PSMG2: variants seen among roughly 807,000 people sequenced by gnomAD.
The protein encoded by PSMG2 is proteasome assembly chaperone 2.
Under a neutral mutation model 31.5 loss-of-function variants are expected in PSMG2, and 21 were observed. The ratio of observed to expected loss-of-function variants is 0.67; its 90% confidence interval spans 0.47 to 0.96. The LOEUF (loss-of-function observed/expected upper bound fraction) is 0.96. Ranked by LOEUF, PSMG2 falls within the 40% of genes least tolerant of loss-of-function variation. PSMG2 has a pLI of 0.00. For synonymous variants in PSMG2, 120 were observed against 110.4 expected (o/e 1.09, Z -0.54); for missense variants, 318 against 321.2 (o/e 0.99, Z 0.08).
chr18:12,725,158 C>T (rs964990660), intron 6 of PSMG2, among the ~76,000 whole-genome samples: 2 of 152,122 alleles, frequency 1.3e-5, no homozygotes, highest in African/African-American at 2.4e-5. Flanking sequence ...ATACAAATCA[C>T]ATAATGCTGA....
At chr18:12,719,509 T>A (rs1478600932) in intron 4 of PSMG2, among the ~76,000 whole-genome samples, 4 of 151,802 alleles carry the variant, frequency 2.6e-5, no homozygotes, top group Admixed American at 6.6e-5. Flanking sequence ...TGCCTCAGCC[T>A]CCTGAGTAGC....
intron 1 of PSMG2, chr18:12,672,587 A>T: frequency 1.1e-6 from 1 of 895,296 alleles, no homozygotes; most frequent in Non-Finnish European, 1.3e-6. Context: ...GATAGAATCC[A>T]TGAAGAGGCT....
At chr18:12,704,343 T>C (rs1406613189) in intron 1 of PSMG2, among the ~76,000 whole-genome samples, 1 of 152,170 alleles carries the variant, frequency 6.6e-6, no homozygotes, top group Non-Finnish European at 1.5e-5. Flanking sequence ...CCCAGCACTT[T>C]AGAAGGCCGA....
At chr18:12,710,247 A>G (rs946095786) in intron 2 of PSMG2, among the ~76,000 whole-genome samples, 1 of 152,096 alleles carries the variant, frequency 6.6e-6, no homozygotes, top group Admixed American at 6.6e-5. Flanking sequence ...CGCCCCTTTT[A>G]AAGCATCTGT....
chr18:12,720,803 C>CA, intron 5 of PSMG2, 120 bp downstream of exon 5: 1 of 954,044 alleles, frequency 1.0e-6, no homozygotes, highest in East Asian at 2.8e-5. Context: ...CTGTCTCAAA[C>CA]AAAAAACAAC....
intron 1 of PSMG2, among the ~76,000 whole-genome samples, chr18:12,705,574 AGAGTGTGT>A (rs1332942534): frequency 2.9e-5 from 4 of 135,720 alleles, no homozygotes; most frequent in African/African-American, 1.1e-4. Context: ...AGAGAGAGAG[AGAGTGTGT>A]GTGTGTGTGT....
At chr18:12,715,151 G>GGC (rs2040365387) in intron 3 of PSMG2, among the ~76,000 whole-genome samples, 1 of 149,608 alleles carries the variant, frequency 6.7e-6, no homozygotes, top group South Asian at 2.1e-4. Context: ...TGGGATTACA[G>GGC]GTGCCCGCCA....
intron 6 of PSMG2, 94 bp downstream of exon 6, chr18:12,724,713 G>C: frequency 3.2e-6 from 4 of 1,232,406 alleles, no homozygotes; most frequent in Non-Finnish European, 4.2e-6. Flanking sequence ...GTAAGTGAAC[G>C]TTTGTATTAA....
At chr18:12,694,146 G>A (rs907524640) in intron 1 of PSMG2, among the ~76,000 whole-genome samples, 1 of 152,192 alleles carries the variant, frequency 6.6e-6, no homozygotes, top group Non-Finnish European at 1.5e-5. Context: ...TCACTATGTG[G>A]TTTCAGGTAT....
intron 2 of PSMG2, among the ~76,000 whole-genome samples, chr18:12,709,786 C>T (rs2040310554): frequency 6.6e-6 from 1 of 152,032 alleles, no homozygotes; most frequent in Non-Finnish European, 1.5e-5. Context: ...AGGCGTGAGC[C>T]ACCACGCCTG....
intron 1 of PSMG2, among the ~76,000 whole-genome samples, chr18:12,688,401 T>C (rs922490171): frequency 1.3e-5 from 2 of 152,178 alleles, no homozygotes; most frequent in Admixed American, 1.3e-4. Flanking sequence ...TTAAGTATAA[T>C]GGCCACGGCA....
intron 3 of PSMG2, among the ~76,000 whole-genome samples, chr18:12,715,159 C>G (rs2040365486): frequency 6.6e-6 from 1 of 151,302 alleles, no homozygotes; most frequent in Non-Finnish European, 1.5e-5. Context: ...CAGGTGCCCG[C>G]CACCACACCT....
At chr18:12,691,163 A>G (rs1193126121) in intron 1 of PSMG2, 2 of 408,850 alleles carry the variant, frequency 4.9e-6, no homozygotes, top group Non-Finnish European at 8.5e-6. Context: ...ACTGAAATTG[A>G]AAGTAAAATA....
intron 3 of PSMG2, among the ~76,000 whole-genome samples, chr18:12,714,487 CTTT>C (rs11331115): frequency 2.1e-5 from 3 of 141,430 alleles, no homozygotes; most frequent in African/African-American, 2.6e-5. Flanking sequence ...TCCTTTCTTC[CTTT>C]TTTTTTTTTT....
intron 1 of PSMG2, among the ~76,000 whole-genome samples, chr18:12,676,618 C>T (rs1030766984): frequency 6.6e-6 from 1 of 151,762 alleles, no homozygotes; most frequent in Non-Finnish European, 1.5e-5. Context: ...GTAAGCAGAA[C>T]CTAAGAAAAG....
At chr18:12,705,222 G>A (rs371295789) in intron 1 of PSMG2, among the ~76,000 whole-genome samples, 46 of 152,106 alleles carry the variant, frequency 3.0e-4, no homozygotes, top group African/African-American at 1.0e-3. Flanking sequence ...GCACCACCAC[G>A]CCCAGCTAAT....
At chr18:12,662,377 A>G (rs1287129300) in intron 1 of PSMG2, among the ~76,000 whole-genome samples, 2 of 152,224 alleles carry the variant, frequency 1.3e-5, no homozygotes, top group Non-Finnish European at 2.9e-5. Context: ...AGGACAAAAT[A>G]CAGAAGCAGT....
chr18:12,668,734 CTTTTTTTTTTTT>C (rs543253434), intron 1 of PSMG2, among the ~76,000 whole-genome samples: 2 of 96,644 alleles, frequency 2.1e-5, no homozygotes, highest in African/African-American at 3.9e-5. Context: ...CACTTTATTC[CTTTTTTTTTTTT>C]TTTTTTTTTT....
At position 12,671,361 on chromosome 18, in the gene PSMG2, T is replaced by C. The variant is rs557807538; in HGVS notation, c.-37+12588T>C. Among the ~76,000 whole-genome samples, 5 of 152,304 alleles carry C rather than the reference T, an allele frequency of 3.3e-5. 1 individual carries two copies. In the South Asian group the frequency reaches 1.0e-3, roughly 32 times the overall value. On this transcript the variant is annotated intron_variant, in intron 1 of 6. Coordinates refer to the PSMG2 transcript ENST00000585331. ...TAATAACTTGGATAGCCAACTGGTA[T>C]AGAGTTACTTTCTTAAGACCAATGG...
Sources: gnomAD v4.1 joint callset for allele counts (sites outside exome capture counted in the v4.1 genomes callset) on GRCh38, gnomAD v4.1.1 for gene constraint, MANE v1.5 for transcripts, NCBI Gene and HGNC (gene_info 2026-07-23, HGNC 2026-07-21) for gene names.